PEX11G: variants seen among roughly 807,000 people sequenced by gnomAD.
The protein encoded by PEX11G is peroxisomal membrane protein 11C.
Under a neutral mutation model 22.5 loss-of-function variants are expected in PEX11G, and 20 were observed. The ratio of observed to expected loss-of-function variants is 0.89; its 90% confidence interval spans 0.62 to 1.29. The LOEUF (loss-of-function observed/expected upper bound fraction) is 1.29, where lower values mean the gene tolerates loss of function less well. PEX11G is among the 50% of genes most tolerant of loss of function. The pLI is 0.00. For synonymous variants in PEX11G, 141 were observed against 154.5 expected, an observed-to-expected ratio of 0.91 and a Z score of 0.65; for missense variants, 347 against 331.3, an observed-to-expected ratio of 1.05 and a Z score of -0.37.
At chr19:7,491,660 CTTT>C (rs1439438276), upstream of PEX11G, among the ~76,000 whole-genome samples, 1 of 151,868 alleles carries the variant, frequency 6.6e-6, no homozygotes, top group Non-Finnish European at 1.5e-5. Flanking sequence ...TTGGTTTTTG[CTTT>C]TTGTTTTTGA....
In PEX11G at chr19:7,478,348, G is replaced by C. The variant is rs1460208808; in HGVS notation, c.457C>G (p.Gln153Glu). 1 of 1,611,352 alleles carries C rather than the reference G, an allele frequency of 6.2e-7. No individual in the cohort carries two copies. Among genetic ancestry groups the C allele is most frequent in the African/African-American group, 1.3e-5 (1 of 75,034 alleles). ...RSLWMLLKLR[Q>E]RLRSPTAPFT... ...GGCGCCGTGGGGCTCCGCAGCCTCT[G>C]TCTCAGTTTCAGCAGCATCCACAGG... Residue 153 changes from glutamine to glutamate, a missense_variant, in exon 4 of 5, where the codon CAG (glutamine) becomes GAG (glutamate). By Grantham distance (29) the Gln-to-Glu change is conservative (BLOSUM62 2). Coordinates refer to ENST00000221480, the MANE Select transcript of PEX11G (RefSeq NM_080662.4).
chr19:7,477,152 G>A lies in PEX11G; in HGVS notation c.*50C>T, dbSNP rs1202349591. 2 of 1,389,594 alleles carry A rather than the reference G, an allele frequency of 1.4e-6. No individual in the cohort carries two copies. Among genetic ancestry groups the A allele is most frequent in the Non-Finnish European group, 1.9e-6 (2 of 1,065,682 alleles). The allele number at this position is 1,389,594 out of a possible 1,614,324, so 86.1% of individuals were successfully genotyped here. On this transcript the variant is annotated 3_prime_UTR_variant, in exon 5 of 5. Coordinates refer to ENST00000221480, the MANE Select transcript of PEX11G (RefSeq NM_080662.4). ...TGCCCTGGCGGCTTCTGCTTTGCGGGAAGGGCCCTCCGTGGGCTCTGGCTG... is the reference window on the plus strand; with the variant it reads ...TGCCCTGGCGGCTTCTGCTTTGCGGAAAGGGCCCTCCGTGGGCTCTGGCTG...
At chr19:7,484,385 G>A (rs908013764) in intron 2 of PEX11G, among the ~76,000 whole-genome samples, 3 of 151,536 alleles carry the variant, frequency 2.0e-5, no homozygotes, top group East Asian at 2.0e-4. Context: ...AAATGATGCC[G>A]AAGCTGTACC....
upstream of PEX11G, among the ~76,000 whole-genome samples, chr19:7,493,485 A>T (rs896017636): frequency 4.1e-5 from 6 of 146,404 alleles, no homozygotes; most frequent in African/African-American, 1.5e-4. Context: ...ATGGGCCACC[A>T]TGCCCAGCCT....
At chr19:7,479,701 C>T (rs1046550285) in intron 3 of PEX11G, among the ~76,000 whole-genome samples, 3 of 152,102 alleles carry the variant, frequency 2.0e-5, no homozygotes, top group African/African-American at 7.2e-5. Context: ...GCGGGGCACA[C>T]AGGACTTCGA....
upstream of PEX11G, among the ~76,000 whole-genome samples, chr19:7,493,855 A>G (rs1244507532): frequency 6.9e-6 from 1 of 145,248 alleles, no homozygotes; most frequent in Non-Finnish European, 1.5e-5. Context: ...AAAAAAAAAG[A>G]CTTGGGTCCA....
intron 1 of PEX11G, 106 bp from the exon 2 acceptor site, chr19:7,486,132 TTC>T (rs918383724): frequency 1.1e-5 from 11 of 991,262 alleles, no homozygotes; most frequent in African/African-American, 1.0e-4. Context: ...GTGTGGAAGA[TTC>T]TCTTTTTTTT....
intron 1 of PEX11G, among the ~76,000 whole-genome samples, 174 bp downstream of exon 1, chr19:7,488,777 A>G (rs1414925942): frequency 6.6e-6 from 1 of 152,170 alleles, no homozygotes; most frequent in African/African-American, 2.4e-5. Flanking sequence ...ACTCCAGCCA[A>G]AATAAATAAA....
intron 1 of PEX11G, among the ~76,000 whole-genome samples, chr19:7,488,331 G>C (rs1213838454): frequency 6.6e-6 from 1 of 152,146 alleles, no homozygotes; most frequent in East Asian, 1.9e-4. Flanking sequence ...CCAACTATAG[G>C]GAATCTGGTT....
At chr19:7,478,859 C>T (rs916956106) in intron 3 of PEX11G, among the ~76,000 whole-genome samples, 11 of 152,226 alleles carry the variant, frequency 7.2e-5, no homozygotes, top group Non-Finnish European at 1.5e-5. Context: ...TTGGCTGGAC[C>T]TGTCTGGATG....
chr19:7,482,598 G>A (rs1186367795), intron 2 of PEX11G, among the ~76,000 whole-genome samples: 1 of 152,228 alleles, frequency 6.6e-6, no homozygotes, highest in Non-Finnish European at 1.5e-5. Flanking sequence ...GCCAAGTTGG[G>A]AGCCCTGTGT....
chr19:7,483,281 C>T (rs1977591059), intron 2 of PEX11G: 1 of 152,278 alleles, frequency 6.6e-6, no homozygotes, highest in Non-Finnish European at 1.5e-5. Flanking sequence ...GGCTCTGAAC[C>T]TCACTCCAGC....
At position 7,476,957 on chromosome 19, in the gene PEX11G, T is replaced by C. The variant is rs914619214; in HGVS notation, c.*245A>G. 4.8e-6 allele frequency: 2 copies of C among 412,632 alleles called. No individual in the cohort carries two copies. The highest frequency in any genetic ancestry group is 8.5e-6 in the Non-Finnish European group (2 of 234,228). The allele number at this position is 412,632 out of a possible 1,614,324, so 25.6% of individuals were successfully genotyped here. A position where few individuals can be genotyped will look rare whatever the true frequency, so the allele number is the denominator to read the frequency against. ...CCCCTCTTCCTCATCTTGATTTGGA[T>C]ACAAGACGCCAGCTGGCAGGCAGGA... On this transcript the variant is annotated 3_prime_UTR_variant, in exon 5 of 5. Coordinates refer to ENST00000221480, the MANE Select transcript of PEX11G (RefSeq NM_080662.4).
intron 4 of PEX11G, among the ~76,000 whole-genome samples, chr19:7,477,676 G>T (rs1009874557): frequency 1.3e-5 from 2 of 152,040 alleles, no homozygotes; most frequent in African/African-American, 4.8e-5. Context: ...CTCACTCCTC[G>T]TCCTGAACAC....
Position 7,482,103 on chromosome 19 carries a change from C to G in PEX11G, c.358G>C (p.Val120Leu). The G allele has an allele frequency of 6.2e-7, 1 of 1,603,580 alleles. No homozygotes were observed. Among genetic ancestry groups the G allele is most frequent in the Non-Finnish European group, 8.5e-7 (1 of 1,175,838 alleles). The change falls in exon 3 of 5, where the codon GTG becomes CTG. Residue 120 changes from valine (V) to leucine (L), a missense_variant. Coordinates refer to ENST00000221480, the MANE Select transcript of PEX11G (RefSeq NM_080662.4). ...AGCGTCCACCACCGAGAAGAGTCCA[C>G]GTGGAGGACCCGGGCATCAGCCGCC... ...AWAADARVLHVDSSRWWTLST... is the reference protein window; with the variant it reads ...AWAADARVLHLDSSRWWTLST...
At chr19:7,489,851 C>CT (rs55711330), upstream of PEX11G, among the ~76,000 whole-genome samples, 40,684 of 143,750 alleles carry the variant, frequency 0.28, 5,730 homozygotes, top group Non-Finnish European at 0.32. Context: ...CTGGAGACGT[C>CT]TTTTTTTTTT....
At chr19:7,492,034 G>C (rs928420377), upstream of PEX11G, among the ~76,000 whole-genome samples, 1 of 152,136 alleles carries the variant, frequency 6.6e-6, no homozygotes, top group African/African-American at 2.4e-5. Flanking sequence ...ATATAACATT[G>C]CGCCATATGG....
upstream of PEX11G, chr19:7,489,438 T>C (rs1320509478): frequency 1.0e-6 from 1 of 1,000,964 alleles, no homozygotes; most frequent in East Asian, 1.1e-4. Flanking sequence ...TGAGCAGGAA[T>C]GACTGCTGTA....
At chr19:7,481,516 T>A (rs1389399238) in intron 3 of PEX11G, among the ~76,000 whole-genome samples, 3 of 152,218 alleles carry the variant, frequency 2.0e-5, no homozygotes. Context: ...CTAAGGATCT[T>A]GAGATGGGGT....
Sources: allele counts gnomAD v4.1 joint callset (sites outside exome capture counted in the v4.1 genomes callset), GRCh38; gene constraint gnomAD v4.1.1; transcripts MANE v1.5; gene names NCBI Gene and HGNC (gene_info 2026-07-23, HGNC 2026-07-21).